The following ZFPM1 variants were observed in gnomAD, a reference collection of about 807,000 sequenced individuals.
The protein encoded by ZFPM1 is zinc finger protein, FOG family member 1, also known as zinc finger protein ZFPM1.
Under a neutral mutation model 46.3 loss-of-function variants are expected in ZFPM1, and 28 were observed. That is an observed-to-expected ratio of 0.60 (90% CI 0.45 to 0.83). ZFPM1 has a LOEUF of 0.83. Among genes scored for constraint, ZFPM1 ranks in the 40% least tolerant of loss-of-function variants. The pLI, the probability that ZFPM1 is intolerant of heterozygous loss-of-function variation, is 0.00. For missense variants in ZFPM1, 1,878 were observed against 1,432.4 expected, an observed-to-expected ratio of 1.31 and a Z score of -5.02; for synonymous variants, 957 against 675.9, an observed-to-expected ratio of 1.42 and a Z score of -6.45.
At chr16:88,472,577 C>T (rs1908476509) in intron 1 of ZFPM1, among the ~76,000 whole-genome samples, 1 of 152,190 alleles carries the variant, frequency 6.6e-6, no homozygotes, top group East Asian at 1.9e-4. Flanking sequence ...TGGCCTCCAT[C>T]TCCTGACCTC....
rs929878237 is a variant in ZFPM1 at position 88,479,587 on chromosome 16, A to C, written c.41-6352A>C. Among the ~76,000 whole-genome samples the C allele has an allele frequency of 1.6e-4, 24 of 152,084 alleles. No individual in the cohort carries two copies. In the East Asian group the frequency reaches 1.7e-3, roughly 11 times the overall value. The stretch of plus-strand genomic sequence containing the variant: ...CCGTGGCCCAAGCTGCCCGCTGCCC[A>C]GCTGGTGGGAAAGTCTGAATCTGTT... On this transcript the variant is annotated intron_variant, in intron 1 of 9. Transcript: ENST00000319555.
intron 8 of ZFPM1, 21 bp from the exon 9 acceptor site, chr16:88,532,768 C>T (rs750199172): frequency 6.2e-7 from 1 of 1,613,056 alleles, no homozygotes; most frequent in East Asian, 2.2e-5. Flanking sequence ...TGGGCCTTGA[C>T]CACCTCGCCA....
chr16:88,455,168 T>TGTGG (rs1413457677), intron 1 of ZFPM1, among the ~76,000 whole-genome samples: 1 of 148,744 alleles, frequency 6.7e-6, no homozygotes, highest in Non-Finnish European at 1.5e-5. Context: ...TGTGTGTGTG[T>TGTGG]GTGTGGTGTT....
In ZFPM1 at chr16:88,534,361, G is replaced by A. The variant is rs531099417; in HGVS notation, c.2403G>A (p.Pro801=). 6.2e-5 allele frequency: 88 copies of A among 1,426,302 alleles called. No homozygotes were observed. The East Asian group carries it at 1.2e-3, about 20-fold the overall frequency. 88.4% of individuals were successfully genotyped at this position (1,426,302 alleles called of 1,614,324 possible). Residue 801 remains proline (P), a synonymous_variant, in exon 10 of 10, where the codon CCG becomes CCA. Coordinates refer to ENST00000319555, the MANE Select transcript of ZFPM1 (RefSeq NM_153813.3). ...ADGPIDLSKK[P]RRPLPGAPAP... is the part of the protein sequence containing the mutation. ...GCCCCATCGACCTGAGCAAGAAGCCGCGGCGCCCGCTCCCCGGAGCCCCGG... is the reference window on the plus strand; with the variant it reads ...GCCCCATCGACCTGAGCAAGAAGCCACGGCGCCCGCTCCCCGGAGCCCCGG...
At chr16:88,472,246 G>GT (rs977268877) in intron 1 of ZFPM1, among the ~76,000 whole-genome samples, 63 of 152,324 alleles carry the variant, frequency 4.1e-4, no homozygotes, top group African/African-American at 1.5e-3. Flanking sequence ...AGGCAGGGAT[G>GT]TGCCAGCTCT....
Position 88,499,009 on chromosome 16 carries a change from C to T in ZFPM1, c.268+9856C>T, listed in dbSNP as rs114700908. Reference sequence around the variant, plus strand: ...GCCTCTCCACGCAAGGCCCTGTGGGCGGAGCCCCTGGACAGGGTTGAGCTT... The same window carrying T: ...GCCTCTCCACGCAAGGCCCTGTGGGTGGAGCCCCTGGACAGGGTTGAGCTT... On this transcript the variant is annotated intron_variant, in intron 3 of 9. Coordinates refer to ENST00000319555, the MANE Select transcript of ZFPM1 (RefSeq NM_153813.3). Among the ~76,000 whole-genome samples the T allele has an allele frequency of 6.3e-3, 965 of 152,332 alleles. 16 individuals carry two copies. Among genetic ancestry groups the T allele is most frequent in the African/African-American group, 0.022 (911 of 41,572 alleles).
intron 3 of ZFPM1, among the ~76,000 whole-genome samples, chr16:88,492,550 C>T (rs1909638675): frequency 6.6e-6 from 1 of 152,232 alleles, no homozygotes; most frequent in Non-Finnish European, 1.5e-5. Flanking sequence ...CGCTGCAGAG[C>T]CCAGAGCCCA....
intron 4 of ZFPM1, among the ~76,000 whole-genome samples, chr16:88,525,890 G>T (rs937392086): frequency 6.6e-6 from 1 of 152,228 alleles, no homozygotes; most frequent in African/African-American, 2.4e-5. Flanking sequence ...GCCTCCACGG[G>T]CTCGGCCCAG....
At chr16:88,491,928 A>C (rs1440532527) in intron 3 of ZFPM1, among the ~76,000 whole-genome samples, 2 of 152,164 alleles carry the variant, frequency 1.3e-5, no homozygotes, top group East Asian at 3.8e-4. Context: ...GTCGATGGCC[A>C]GCAGGGTCAG....
chr16:88,486,400 C>T lies in ZFPM1; in HGVS notation c.145+357C>T, dbSNP rs150017640. ...GAAGTGGGGACCATGAGGCCCCCTC[C>T]CTGGGGCTTGTTGAGCTGTGATCCC... On this transcript the variant is annotated intron_variant, in intron 2 of 9. Transcript: ENST00000319555. Among the ~76,000 whole-genome samples, 303 of 152,364 alleles carry T rather than the reference C, an allele frequency of 2.0e-3. 3 individuals carry two copies. The highest frequency in any genetic ancestry group is 7.0e-3 in the African/African-American group (293 of 41,600).
intron 1 of ZFPM1, among the ~76,000 whole-genome samples, chr16:88,472,628 A>C (rs2142356358): frequency 6.6e-6 from 1 of 152,234 alleles, no homozygotes; most frequent in Non-Finnish European, 1.5e-5. Flanking sequence ...CTGGGATTAC[A>C]AGCGTGAGCC....
At position 88,480,699 on chromosome 16, in the gene ZFPM1, T is replaced by C. The variant is rs1297209027; in HGVS notation, c.41-5240T>C. ...CCAGGGCCCTGGTTTTCAGAAGGCT[T>C]GCCCAAGGTCACAGAGCCAGGGGCA... On this transcript the variant is annotated intron_variant, in intron 1 of 9. Coordinates refer to ENST00000319555, the MANE Select transcript of ZFPM1 (RefSeq NM_153813.3). The surrounding 1 kb of genome is among the most constrained non-coding windows in gnomAD (Gnocchi z 4.9). Among the ~76,000 whole-genome samples, 2 of 152,240 alleles carry C rather than the reference T, an allele frequency of 1.3e-5. No homozygotes were observed. The highest frequency in any genetic ancestry group is 3.8e-4 in the East Asian group (2 of 5,198).
chr16:88,458,088 G>A (rs558256353), intron 1 of ZFPM1, among the ~76,000 whole-genome samples: 1 of 152,352 alleles, frequency 6.6e-6, no homozygotes, highest in Non-Finnish European at 1.5e-5. Context: ...TGGGGAAACT[G>A]AAGCACAGAG....
In ZFPM1 at chr16:88,514,508, G is replaced by C; in HGVS notation, c.390G>C (p.Arg130Ser). 2 of 1,560,890 alleles carry C rather than the reference G, an allele frequency of 1.3e-6. No homozygotes were observed. Among genetic ancestry groups the C allele is most frequent in the Non-Finnish European group, 1.7e-6 (2 of 1,153,188 alleles). ...TCCAGACCAGAGCCTCATCCCCCAG[G>C]CAGGCGGAGCCGGTAAGAAGCCCCC... ...GSVQTRASSP[R>S]QAEPSPALTL... The change falls in exon 4 of 10, where the codon AGG becomes AGC. Residue 130 changes from arginine (R) to serine (S), a missense_variant. By Grantham distance (110) the Arg-to-Ser change is moderately radical. Coordinates refer to ENST00000319555, the MANE Select transcript of ZFPM1 (RefSeq NM_153813.3).
chr16:88,479,920 C>T (rs962751628), intron 1 of ZFPM1, among the ~76,000 whole-genome samples: 1 of 149,888 alleles, frequency 6.7e-6, no homozygotes, highest in South Asian at 2.2e-4. Flanking sequence ...TCACACCCCC[C>T]GCCGAAGGAG....
At position 88,534,914 on chromosome 16, in the gene ZFPM1, C is replaced by A; in HGVS notation, c.2956C>A (p.Leu986Met). ...CRLCNIKFSSLSTFIAHKKYY... is the reference protein window; with the variant it reads ...CRLCNIKFSSMSTFIAHKKYY... Reference sequence around the variant, plus strand: ...TCTTTGCAACATCAAGTTCAGCAGCCTGTCCACCTTCATCGCCCACAAGAA... The same window carrying A: ...TCTTTGCAACATCAAGTTCAGCAGCATGTCCACCTTCATCGCCCACAAGAA... The change falls in exon 10 of 10, where the codon CTG (leucine) becomes ATG (methionine). Residue 986 changes from leucine (L) to methionine (M), a missense_variant. By Grantham distance (15) the Leu-to-Met change is conservative (BLOSUM62 2). Transcript: ENST00000319555. 1 of 1,557,870 alleles carries A rather than the reference C, an allele frequency of 6.4e-7. No individual in the cohort carries two copies. Among genetic ancestry groups the A allele is most frequent in the Non-Finnish European group, 8.7e-7 (1 of 1,154,932 alleles).
intron 3 of ZFPM1, among the ~76,000 whole-genome samples, chr16:88,508,897 G>A (rs1017777552): frequency 2.6e-5 from 4 of 152,218 alleles, no homozygotes; most frequent in African/African-American, 9.6e-5. Context: ...CAGGGGCCCC[G>A]CGGGGTTTGC....
intron 2 of ZFPM1, among the ~76,000 whole-genome samples, chr16:88,487,388 G>A (rs1390016689): frequency 6.6e-6 from 1 of 152,232 alleles, no homozygotes; most frequent in Non-Finnish European, 1.5e-5. Flanking sequence ...TGGAGGGGAT[G>A]TGGCCATACC....
intron 3 of ZFPM1, among the ~76,000 whole-genome samples, chr16:88,495,835 T>C (rs1909901928): frequency 6.6e-6 from 1 of 152,150 alleles, no homozygotes; most frequent in East Asian, 1.9e-4. Flanking sequence ...CTAGAGCTTT[T>C]TCCTGGTAAC....
Sources: allele counts gnomAD v4.1 joint callset (sites outside exome capture counted in the v4.1 genomes callset), GRCh38; gene constraint gnomAD v4.1.1; non-coding constraint Gnocchi (gnomAD v3.1); transcripts MANE v1.5; gene names NCBI Gene and HGNC (gene_info 2026-07-23, HGNC 2026-07-21).